Variants in SIL1 observed in about 807,000 individuals in gnomAD.
The protein encoded by SIL1 is SIL1 nucleotide exchange factor, also known as nucleotide exchange factor SIL1.
A neutral mutation model predicts 49.1 loss-of-function variants in SIL1; 40 were observed. That is an observed-to-expected ratio of 0.81 (90% CI 0.63 to 1.06). SIL1 has a LOEUF of 1.06. SIL1 is among the 50% of genes least tolerant of loss of function. The probability of loss-of-function intolerance (pLI) is 0.00; values close to 1 mark genes in which losing one functional copy is unlikely to be tolerated. For missense variants in SIL1, 500 were observed against 572.6 expected (o/e 0.87, Z 1.29); for synonymous variants, 253 against 250.8 (o/e 1.01, Z -0.08).
chr5:139,121,131 C>T lies in SIL1; in HGVS notation c.148G>A (p.Glu50Lys). Residue 50 changes from glutamate (E) to lysine (K), a missense_variant, in exon 3 of 10, where the codon GAA becomes AAA. Physicochemically the swap from Glu to Lys is moderately conservative, Grantham distance 56. Coordinates refer to ENST00000394817, the MANE Select transcript of SIL1 (RefSeq NM_022464.5). ...GCTTTGGTTTCTTTTCTCTCTGTTT[C>T]TTTGGTGCTGCTCTTCTCTGGGTTG... is the stretch of plus-strand genomic sequence containing the variant. Reference protein sequence around the residue: ...LTNPEKSSTKETERKETKAEE... With the variant: ...LTNPEKSSTKKTERKETKAEE... The T allele has an allele frequency of 1.2e-6, 2 of 1,614,222 alleles. No individual in the cohort carries two copies. Among genetic ancestry groups the T allele is most frequent in the Non-Finnish European group, 1.7e-6 (2 of 1,180,046 alleles).
chr5:139,112,678 G>A (rs1437215563), intron 3 of SIL1, among the ~76,000 whole-genome samples: 1 of 150,464 alleles, frequency 6.6e-6, no homozygotes, highest in East Asian at 2.0e-4. Flanking sequence ...CGGGAGGGAG[G>A]TGGCGGGCGC....
At chr5:138,984,256 T>C (rs1250120270) in intron 7 of SIL1, among the ~76,000 whole-genome samples, 1 of 151,802 alleles carries the variant, frequency 6.6e-6, no homozygotes, top group African/African-American at 2.4e-5. Flanking sequence ...ATGAACTCCT[T>C]AGAACCTGGA....
At chr5:139,004,481 C>T (rs1421486632) in intron 7 of SIL1, among the ~76,000 whole-genome samples, 1 of 152,148 alleles carries the variant, frequency 6.6e-6, no homozygotes, top group Non-Finnish European at 1.5e-5. Context: ...TCTCTTTATT[C>T]TTCTGAAACT....
At chr5:139,096,923 A>C (rs893046339) in intron 3 of SIL1, among the ~76,000 whole-genome samples, 8 of 151,896 alleles carry the variant, frequency 5.3e-5, no homozygotes, top group African/African-American at 1.9e-4. Context: ...CTTGGATGAC[A>C]TTTCTGGACC....
chr5:139,143,201 A>T (rs575101474), intron 1 of SIL1, among the ~76,000 whole-genome samples: 80 of 150,140 alleles, frequency 5.3e-4, no homozygotes, highest in African/African-American at 1.0e-3. Context: ...ATATATACAT[A>T]TATATGTGTA....
chr5:138,998,540 G>A (rs931420544), intron 7 of SIL1, among the ~76,000 whole-genome samples: 1 of 152,162 alleles, frequency 6.6e-6, no homozygotes, highest in African/African-American at 2.4e-5. Context: ...AGAAAGCATG[G>A]TGTCGGCATC....
At chr5:139,158,993 T>C (rs1021497375) in intron 1 of SIL1, among the ~76,000 whole-genome samples, 1 of 151,768 alleles carries the variant, frequency 6.6e-6, no homozygotes, top group Non-Finnish European at 1.5e-5. Flanking sequence ...CTTTATAGGA[T>C]AATACCCTAG....
intron 3 of SIL1, among the ~76,000 whole-genome samples, chr5:139,081,760 T>C (rs540873259): frequency 8.5e-5 from 13 of 152,134 alleles, no homozygotes; most frequent in African/African-American, 2.7e-4. Flanking sequence ...AAGCCTGTAA[T>C]CCCAGCTACT....
chr5:139,159,414 A>T (rs1255126003), intron 1 of SIL1, among the ~76,000 whole-genome samples: 4 of 152,232 alleles, frequency 2.6e-5, no homozygotes, highest in East Asian at 1.9e-4. Flanking sequence ...ATGAAAGGGG[A>T]TGTTAAAATA....
chr5:139,195,533 A>G (rs948253238), intron 1 of SIL1, among the ~76,000 whole-genome samples: 8 of 152,056 alleles, frequency 5.3e-5, no homozygotes, highest in Admixed American at 1.3e-4. Context: ...GACTACAGGC[A>G]CCCACCACCT....
At chr5:139,086,762 C>A (rs959433384) in intron 3 of SIL1, among the ~76,000 whole-genome samples, 5 of 151,610 alleles carry the variant, frequency 3.3e-5, no homozygotes, top group Non-Finnish European at 7.4e-5. Flanking sequence ...GTGTTCGAGA[C>A]CAGCCTGGCC....
In SIL1 at chr5:139,121,187, A is replaced by G; in HGVS notation, c.106-14T>C. 6.2e-7 allele frequency: 1 copy of G among 1,613,912 alleles called. No individual in the cohort carries two copies. Among genetic ancestry groups the G allele is most frequent in the Non-Finnish European group, 8.5e-7 (1 of 1,179,906 alleles). On this transcript the variant is annotated splice_polypyrimidine_tract_variant and intron_variant, in intron 2 of 9. Transcript: ENST00000394817. ...GGCAAACTCCTTCTGAGAAAAGAAA[A>G]CACAGGGCATGACCCACTGCAACTA...
chr5:139,055,706 T>TC (rs1769396515), intron 3 of SIL1, among the ~76,000 whole-genome samples: 1 of 139,386 alleles, frequency 7.2e-6, no homozygotes, highest in Non-Finnish European at 1.5e-5. Flanking sequence ...TTCCACGGTC[T>TC]CCCTCTGATG....
At chr5:139,180,040 A>G (rs958223391) in intron 1 of SIL1, among the ~76,000 whole-genome samples, 1 of 145,620 alleles carries the variant, frequency 6.9e-6, no homozygotes, top group Non-Finnish European at 1.5e-5. Flanking sequence ...AGGGCAACAG[A>G]GCAAGACCCT....
chr5:139,073,137 T>C (rs1345304702), intron 3 of SIL1, among the ~76,000 whole-genome samples: 1 of 152,158 alleles, frequency 6.6e-6, no homozygotes, highest in African/African-American at 2.4e-5. Flanking sequence ...TTATGAAAAA[T>C]AGTATGGAGG....
chr5:139,086,311 G>T (rs1410067173), intron 3 of SIL1, among the ~76,000 whole-genome samples: 1 of 149,082 alleles, frequency 6.7e-6, no homozygotes, highest in South Asian at 2.1e-4. Context: ...GAAGCAATTT[G>T]CCAAATTTAA....
chr5:139,098,809 CTTTTTTTTTT>C (rs59863544), intron 3 of SIL1, among the ~76,000 whole-genome samples: 3,111 of 89,194 alleles, frequency 0.035, 92 homozygotes, highest in African/African-American at 0.082. Context: ...TTTTCTTACT[CTTTTTTTTTT>C]TTTTTTTTTT....
chr5:139,001,050 TGTATA>T (rs1158609846), intron 7 of SIL1, among the ~76,000 whole-genome samples: 1 of 152,124 alleles, frequency 6.6e-6, no homozygotes, highest in African/African-American at 2.4e-5. Context: ...CAGAGCAATC[TGTATA>T]GTATAATTCC....
At chr5:139,011,235 T>G (rs1425514816) in intron 7 of SIL1, among the ~76,000 whole-genome samples, 1 of 151,502 alleles carries the variant, frequency 6.6e-6, no homozygotes, top group Non-Finnish European at 1.5e-5. Flanking sequence ...TCCAGGTGCG[T>G]CCGTCACCCC....
Sources: allele counts gnomAD v4.1 joint callset (sites outside exome capture counted in the v4.1 genomes callset), GRCh38; gene constraint gnomAD v4.1.1; transcripts MANE v1.5; gene names NCBI Gene and HGNC (gene_info 2026-07-23, HGNC 2026-07-21).